DMD: variants seen among roughly 807,000 people sequenced by gnomAD.
The protein encoded by DMD is dystrophin.
Under a neutral mutation model 330.1 loss-of-function variants are expected in DMD, and 63 were observed. The ratio of observed to expected loss-of-function variants is 0.19; its 90% CI spans 0.16 to 0.24. The LOEUF (loss-of-function observed/expected upper bound fraction) is 0.24. Among genes scored for constraint, DMD ranks in the 10% least tolerant of loss-of-function variants. The pLI is 1.00. For missense variants in DMD, 3,344 were observed against 2,684.1 expected (o/e 1.25, Z -5.43); for synonymous variants, 1,223 against 959.8 (o/e 1.27, Z -5.07).
intron 2 of DMD, among the ~76,000 whole-genome samples, chrX:32,909,297 C>A (rs574755592): frequency 3.6e-5 from 4 of 111,125 alleles, no homozygotes; most frequent in African/African-American, 1.3e-4. Context: ...GGATAATCAA[C>A]CTTCTAGTCA....
chrX:32,136,182 A>C (rs2096723845), intron 44 of DMD, among the ~76,000 whole-genome samples: 1 of 112,695 alleles, frequency 8.9e-6, no homozygotes. Context: ...GTTCTAAGTA[A>C]GCCAACCCTT....
At chrX:31,638,712 T>A (rs890134087) in intron 54 of DMD, among the ~76,000 whole-genome samples, 1 of 112,659 alleles carries the variant, frequency 8.9e-6, no homozygotes, top group Non-Finnish European at 1.9e-5. Flanking sequence ...TGCAGGTATA[T>A]CTGTGTTGTT....
At chrX:33,134,583 A>G (rs2095515789) in intron 1 of DMD, among the ~76,000 whole-genome samples, 1 of 111,959 alleles carries the variant, frequency 8.9e-6, no homozygotes, top group Non-Finnish European at 1.9e-5. Flanking sequence ...TGCTAAAAGA[A>G]TAGATTTTTT....
At chrX:32,624,435 T>G (rs960008680) in intron 11 of DMD, among the ~76,000 whole-genome samples, 2 of 112,054 alleles carry the variant, frequency 1.8e-5, no homozygotes, top group Non-Finnish European at 3.8e-5. Context: ...TTGTAAGAAC[T>G]TGGAACTTTG....
chrX:32,097,039 C>G (rs1408885820), intron 44 of DMD, among the ~76,000 whole-genome samples: 1 of 111,414 alleles, frequency 9.0e-6, no homozygotes. Flanking sequence ...AATCATTTAA[C>G]CCCCATTAAT....
chrX:33,192,344 A>C (rs1259390695), intron 1 of DMD, among the ~76,000 whole-genome samples: 1 of 112,370 alleles, frequency 8.9e-6, no homozygotes, highest in African/African-American at 3.2e-5. Flanking sequence ...AAGATGTCAA[A>C]AATCATGTTA....
chrX:33,215,317 C>T (rs376395787), upstream of DMD, among the ~76,000 whole-genome samples: 4 of 46,984 alleles, frequency 8.5e-5, no homozygotes, highest in South Asian at 1.3e-3. Context: ...GAGCAAGACC[C>T]TATCTCAAAA....
intron 44 of DMD, among the ~76,000 whole-genome samples, chrX:32,024,880 C>T (rs2095836010): frequency 8.9e-6 from 1 of 111,778 alleles, no homozygotes; most frequent in African/African-American, 3.3e-5. Flanking sequence ...AAGCAGGAAG[C>T]CCCACTTTAT....
chrX:31,131,690 C>T (rs1199470508), intron 77 of DMD, among the ~76,000 whole-genome samples: 2 of 111,445 alleles, frequency 1.8e-5, no homozygotes, highest in Non-Finnish European at 3.8e-5. Context: ...ATGTTCCCGC[C>T]AAACTTGACG....
At chrX:31,980,585 G>T (rs921096241) in intron 44 of DMD, among the ~76,000 whole-genome samples, 15 of 111,625 alleles carry the variant, frequency 1.3e-4, no homozygotes, top group Non-Finnish European at 2.3e-4. Flanking sequence ...TTTTATTGAG[G>T]TGTCACTTTA....
intron 67 of DMD, among the ~76,000 whole-genome samples, chrX:31,187,994 G>A (rs2041975865): frequency 9.0e-6 from 1 of 111,634 alleles, no homozygotes; most frequent in Non-Finnish European, 1.9e-5. Flanking sequence ...GCATTAGTGT[G>A]AATTACCAAG....
At chrX:32,338,016 G>C (rs1233019309) in intron 41 of DMD, among the ~76,000 whole-genome samples, 1 of 111,410 alleles carries the variant, frequency 9.0e-6, no homozygotes, top group African/African-American at 3.2e-5. Context: ...CTTAGTTTTT[G>C]TTCAGGTGAA....
At chrX:32,898,186 C>A (rs1382743815) in intron 2 of DMD, among the ~76,000 whole-genome samples, 1 of 111,928 alleles carries the variant, frequency 8.9e-6, no homozygotes, top group Non-Finnish European at 1.9e-5. Context: ...AAGCAAGACA[C>A]TGGCGTTTTG....
intron 12 of DMD, 35 bp downstream of exon 12, chrX:32,614,268 T>C: frequency 8.3e-7 from 1 of 1,203,038 alleles, no homozygotes; most frequent in Non-Finnish European, 1.1e-6. Flanking sequence ...GAGTTTGCTT[T>C]CTAGTAGAAA....
chrX:32,378,120 G>C (rs1049435947), intron 34 of DMD, among the ~76,000 whole-genome samples: 2 of 110,358 alleles, frequency 1.8e-5, no homozygotes, highest in African/African-American at 3.3e-5. Flanking sequence ...TACTAGTAAA[G>C]TTAAAATTAT....
chrX:32,163,140 C>T lies in DMD; in HGVS notation c.6438+53776G>A, dbSNP rs73456187. On this transcript the variant is annotated intron_variant, in intron 44 of 78. Coordinates refer to ENST00000357033, the MANE Select transcript of DMD (RefSeq NM_004006.3). ...TCTACCATTTTCTCAATTCTATTCA[C>T]CTTATCCACCTTGGACTCATCCTGG... Among the ~76,000 whole-genome samples the T allele has an allele frequency of 6.0e-3, 674 of 111,604 alleles. 9 individuals carry two copies. The highest frequency in any genetic ancestry group is 0.021 in the African/African-American group (643 of 30,700).
intron 44 of DMD, among the ~76,000 whole-genome samples, chrX:32,057,647 C>T (rs1050643149): frequency 9.1e-5 from 10 of 110,243 alleles, no homozygotes; most frequent in African/African-American, 2.9e-4. Flanking sequence ...TCTGATGTGT[C>T]ATTTAAAAGT....
intron 59 of DMD, among the ~76,000 whole-genome samples, chrX:31,465,878 A>ACTT (rs1360219201): frequency 8.9e-6 from 1 of 111,776 alleles, no homozygotes; most frequent in Non-Finnish European, 1.9e-5. Context: ...ATGTTTCCTG[A>ACTT]CTTTTTAATG....
intron 9 of DMD, among the ~76,000 whole-genome samples, chrX:32,669,460 G>A (rs1184326338): frequency 8.9e-6 from 1 of 111,813 alleles, no homozygotes; most frequent in African/African-American, 3.3e-5. Flanking sequence ...CCTACAGATA[G>A]ATAGATCGAT....
Sources: allele counts gnomAD v4.1 joint callset (sites outside exome capture counted in the v4.1 genomes callset), GRCh38; gene constraint gnomAD v4.1.1; transcripts MANE v1.5; gene names NCBI Gene and HGNC (gene_info 2026-07-23, HGNC 2026-07-21).